SHCBP1L: variants seen among roughly 807,000 people sequenced by gnomAD.
The protein encoded by SHCBP1L is SHC binding and spindle associated 1 like, also known as testicular spindle-associated protein SHCBP1L.
A neutral mutation model predicts 62.5 loss-of-function variants in SHCBP1L; 67 were observed. That is an observed-to-expected ratio of 1.07 (90% CI 0.88 to 1.31). The LOEUF (loss-of-function observed/expected upper bound fraction) is 1.31, where lower values mean the gene tolerates loss of function less well. SHCBP1L is among the 40% of genes most tolerant of loss of function. SHCBP1L has a pLI of 0.00. For missense variants in SHCBP1L, 823 were observed against 809.8 expected (o/e 1.02, Z -0.20); for synonymous variants, 284 against 289.4 (o/e 0.98, Z 0.19).
chr1:182,931,198 C>T (rs750543255), intron 5 of SHCBP1L, among the ~76,000 whole-genome samples: 35 of 151,810 alleles, frequency 2.3e-4, no homozygotes, highest in Non-Finnish European at 4.3e-4. Flanking sequence ...ATTTTTATAT[C>T]TATTTAAGCA....
chr1:182,907,877 C>A (rs553612413), intron 6 of SHCBP1L, among the ~76,000 whole-genome samples: 7 of 152,030 alleles, frequency 4.6e-5, no homozygotes, highest in Non-Finnish European at 7.4e-5. Context: ...CTGCACCCAG[C>A]CTTTTTTTAT....
Position 182,953,029 on chromosome 1 carries a change from C to T in SHCBP1L, c.105G>A (p.Ala35=). The T allele has an allele frequency of 6.5e-7, 1 of 1,542,956 alleles. No individual in the cohort carries two copies. Among genetic ancestry groups the T allele is most frequent in the Middle Eastern group, 1.9e-4 (1 of 5,288 alleles). The stretch of plus-strand genomic sequence containing the variant: ...CGGTGCCCTTCAGGGTGGTCGCGGC[C>T]GCCGTGTCCCCGGAGACAGCGGAGG... ...KSASAVSGDT[A]AATTLKGTAI... The change falls in exon 1 of 10, where the codon GCG becomes GCA. Residue 35 remains alanine (A), a synonymous_variant. Coordinates refer to ENST00000367547, the MANE Select transcript of SHCBP1L (RefSeq NM_030933.4).
intron 2 of SHCBP1L, among the ~76,000 whole-genome samples, chr1:182,941,051 A>G (rs1424049629): frequency 6.6e-6 from 1 of 152,150 alleles, no homozygotes; most frequent in Non-Finnish European, 1.5e-5. Flanking sequence ...AAATTTTGCC[A>G]TAAAAGCATG....
At chr1:182,922,150 T>C (rs1441572056) in intron 6 of SHCBP1L, among the ~76,000 whole-genome samples, 3 of 152,192 alleles carry the variant, frequency 2.0e-5, no homozygotes, top group African/African-American at 7.2e-5. Flanking sequence ...ATTCATAAAA[T>C]AAGTTCTTAG....
chr1:182,936,970 CT>C (rs1651196702), intron 5 of SHCBP1L, among the ~76,000 whole-genome samples: 2 of 152,042 alleles, frequency 1.3e-5, no homozygotes, highest in African/African-American at 4.8e-5. Context: ...GAGAGGATCA[CT>C]TGAGCCTGGG....
At chr1:182,930,889 CT>C (rs564364700) in intron 5 of SHCBP1L, among the ~76,000 whole-genome samples, 5,540 of 114,234 alleles carry the variant, frequency 0.048, 310 homozygotes, top group African/African-American at 0.14. Context: ...CCTTGCCTGG[CT>C]TTTTTTTTTT....
intron 2 of SHCBP1L, among the ~76,000 whole-genome samples, chr1:182,946,974 C>T (rs749614884): frequency 2.0e-5 from 3 of 152,140 alleles, no homozygotes; most frequent in South Asian, 2.1e-4. Context: ...CGGTGGCTTA[C>T]GCCTGTAATC....
At chr1:182,906,003 C>T (rs184647406) in intron 6 of SHCBP1L, among the ~76,000 whole-genome samples, 7 of 152,204 alleles carry the variant, frequency 4.6e-5, no homozygotes, top group Admixed American at 3.9e-4. Context: ...GCTGCGATCT[C>T]GGCTCACTGC....
chr1:182,924,709 A>G (rs866820725), intron 6 of SHCBP1L, among the ~76,000 whole-genome samples: 2,101 of 42,834 alleles, frequency 0.049, 43 homozygotes, highest in African/African-American at 0.095. Flanking sequence ...AGGAAGAAAG[A>G]AAGAAAGAAA....
chr1:182,947,612 C>A, intron 2 of SHCBP1L, among the ~76,000 whole-genome samples: 1 of 152,172 alleles, frequency 6.6e-6, no homozygotes, highest in East Asian at 1.9e-4. Flanking sequence ...GGACCAACTC[C>A]TCTTCTTCCT....
chr1:182,910,989 A>T (rs1369440687), intron 6 of SHCBP1L, among the ~76,000 whole-genome samples: 2 of 152,044 alleles, frequency 1.3e-5, no homozygotes, highest in African/African-American at 2.4e-5. Flanking sequence ...TCCCGGGTTC[A>T]AGCGATTCTC....
intron 5 of SHCBP1L, among the ~76,000 whole-genome samples, chr1:182,933,746 TG>T (rs1651082621): frequency 6.6e-6 from 1 of 152,186 alleles, no homozygotes. Context: ...GTTAGTATTT[TG>T]TTGAGGATTT....
At chr1:182,904,156 C>T in intron 8 of SHCBP1L, 24 bp downstream of exon 8, 1 of 1,611,416 alleles carries the variant, frequency 6.2e-7, no homozygotes, top group Non-Finnish European at 8.5e-7. Flanking sequence ...CATATAAGGC[C>T]ATACTTTTTA....
At chr1:182,933,266 C>A (rs1434148537) in intron 5 of SHCBP1L, among the ~76,000 whole-genome samples, 3 of 152,186 alleles carry the variant, frequency 2.0e-5, no homozygotes, top group Admixed American at 2.0e-4. Context: ...TATACAAGAC[C>A]ATGTCATCTG....
intron 8 of SHCBP1L, among the ~76,000 whole-genome samples, chr1:182,903,495 T>C (rs1240914167): frequency 1.3e-5 from 2 of 152,152 alleles, no homozygotes; most frequent in African/African-American, 2.4e-5. Flanking sequence ...AAATCCCACT[T>C]AATGCCACTA....
chr1:182,940,648 T>C lies in SHCBP1L; in HGVS notation c.556-105A>G, dbSNP rs936032077. ...TCATTATAAAGTTTCTTCTTTTAAA[T>C]TTATGACTTCTTCAACAATCAACAT... On this transcript the variant is annotated intron_variant, in intron 2 of 9. Transcript: ENST00000367547. 4.6e-6 allele frequency: 4 copies of C among 862,618 alleles called. No homozygotes were observed. In the Admixed American group the frequency reaches 9.1e-5, roughly 20 times the overall value. The allele number at this position is 862,618 out of a possible 1,614,324, so 53.4% of individuals were successfully genotyped here. A position where few individuals can be genotyped will look rare whatever the true frequency, so the allele number is the denominator to read the frequency against.
In SHCBP1L at chr1:182,940,345, C is replaced by T. The variant is rs1475884539; in HGVS notation, c.754G>A (p.Ala252Thr). ...CCCTAATACCTGACAACTTCCAAGG[C>T]CAAAGCAATAACATGTATATCAGTA... is the stretch of plus-strand genomic sequence containing the variant. ...QDTDIHVIAL[A>T]LEVVRFFYDF... is the part of the protein sequence containing the mutation. Residue 252 changes from alanine (A) to threonine (T), a missense_variant, in exon 3 of 10, where the codon GCC becomes ACC. Ala to Thr is a moderately conservative substitution (Grantham distance 58). Transcript: ENST00000367547. The T allele has an allele frequency of 6.2e-7, 1 of 1,613,584 alleles. No homozygotes were observed. Among genetic ancestry groups the T allele is most frequent in the South Asian group, 1.1e-5 (1 of 90,980 alleles).
intron 6 of SHCBP1L, among the ~76,000 whole-genome samples, chr1:182,922,229 T>C (rs61555380): frequency 0.022 from 3,342 of 152,202 alleles, 120 homozygotes; most frequent in African/African-American, 0.076. Flanking sequence ...CTGACAGTAT[T>C]AGACAGATAA....
Position 182,952,799 on chromosome 1 carries a change from G to C in SHCBP1L, c.335C>G (p.Ser112Cys), listed in dbSNP as rs118006242. 1 of 1,612,726 alleles carries C rather than the reference G, an allele frequency of 6.2e-7. No individual in the cohort carries two copies. Among genetic ancestry groups the C allele is most frequent in the South Asian group, 1.1e-5 (1 of 90,956 alleles). ...GTCCCGCCACATCCCCCTCATACGG[G>C]ACACGCAGACTGGGGGCAGGGGCTG... is the stretch of plus-strand genomic sequence containing the variant. ...EAQPLPPVCV[S>C]RMRGMWRDEK... Residue 112 changes from serine to cysteine, a missense_variant, in exon 1 of 10, where the codon TCC becomes TGC. Ser to Cys is a moderately radical substitution (Grantham distance 112). Transcript: ENST00000367547.
Sources: gnomAD v4.1 joint callset for allele counts (sites outside exome capture counted in the v4.1 genomes callset) on GRCh38, gnomAD v4.1.1 for gene constraint, MANE v1.5 for transcripts, NCBI Gene and HGNC (gene_info 2026-07-23, HGNC 2026-07-21) for gene names.